Variants in DLG5 observed in about 807,000 individuals in gnomAD.
DLG5 encodes the protein disks large homolog 5.
A neutral mutation model predicts 189.8 loss-of-function variants in DLG5; 48 were observed. That is an observed-to-expected ratio of 0.25 (90% CI 0.20 to 0.32). DLG5 has a LOEUF of 0.32. Among genes scored for constraint, DLG5 ranks in the 10% least tolerant of loss-of-function variants. DLG5 has a pLI of 1.00. For missense variants in DLG5, 2,160 were observed against 2,544.7 expected (o/e 0.85, Z 3.25); for synonymous variants, 1,016 against 1,054.1 (o/e 0.96, Z 0.70).
At chr10:77,798,356 T>C (rs903303928) in intron 27 of DLG5, among the ~76,000 whole-genome samples, 4 of 152,104 alleles carry the variant, frequency 2.6e-5, no homozygotes, top group African/African-American at 9.7e-5. Flanking sequence ...GAGTGAAGGC[T>C]CTGAGGAGGA....
the DLG5 span, among the ~76,000 whole-genome samples, chr10:77,933,980 A>G: frequency 6.7e-6 from 1 of 150,092 alleles, no homozygotes; most frequent in African/African-American, 2.5e-5. Context: ...CCCGGGAAGC[A>G]GAGGTTGCAG....
intron 13 of DLG5, among the ~76,000 whole-genome samples, chr10:77,825,374 C>CCACACACACACACACACACAAA (rs1842574517): frequency 1.5e-5 from 2 of 130,816 alleles, no homozygotes; most frequent in Admixed American, 8.1e-5. Context: ...CCACACACAA[C>CCACACACACACACACACACAAA]CACACACACA....
intron 12 of DLG5, 22 bp from the exon 13 acceptor site, chr10:77,829,007 T>A (rs1403472629): frequency 6.2e-7 from 1 of 1,612,280 alleles, no homozygotes; most frequent in Middle Eastern, 1.7e-4. Flanking sequence ...AGGAGGTCAC[T>A]GGGTAGCCCC....
At chr10:77,828,839 C>T (rs1246221404) in intron 13 of DLG5, 43 bp downstream of exon 13, 2 of 1,598,398 alleles carry the variant, frequency 1.3e-6, no homozygotes, top group Admixed American at 3.4e-5. Flanking sequence ...ATGTAATCTG[C>T]CTATGCACGG....
In DLG5 at chr10:77,821,944, A is replaced by G; in HGVS notation, c.2540T>C (p.Phe847Ser). The G allele has an allele frequency of 1.2e-6, 2 of 1,614,214 alleles. No individual in the cohort carries two copies. Among genetic ancestry groups the G allele is most frequent in the African/African-American group, 2.7e-5 (2 of 75,058 alleles). ...CCTGTCTTCCAGCCTGTCCGTGTAG[A>G]AGATGTCTGTCTGCGTGGAGTTATT... Reference protein sequence around the residue: ...QHNNSTQTDIFYTDRLEDRKE... With the variant: ...QHNNSTQTDISYTDRLEDRKE... Residue 847 changes from phenylalanine to serine, a missense_variant, in exon 15 of 32, where the codon TTC (phenylalanine) becomes TCC (serine). This residue lies in a region of DLG5 where 754 missense variants were observed against 746.5 expected (regional missense o/e 1.01). Coordinates refer to ENST00000372391, the MANE Select transcript of DLG5 (RefSeq NM_004747.4).
In DLG5 at chr10:77,820,026, T is replaced by C. The variant is rs1387697194; in HGVS notation, c.3403-8A>G. ...CGGGACACACTTCTGTTCCTGCAGA[T>C]GCAAGGGCAAGAGTGTCTGCTAGAA... On this transcript the variant is annotated splice_polypyrimidine_tract_variant and splice_region_variant and intron_variant, in intron 15 of 31. Transcript: ENST00000372391. The C allele has an allele frequency of 1.2e-6, 2 of 1,613,004 alleles. No individual in the cohort carries two copies. Among genetic ancestry groups the C allele is most frequent in the South Asian group, 2.2e-5 (2 of 91,086 alleles).
chr10:77,904,547 C>T (rs1846018772), intron 1 of DLG5, among the ~76,000 whole-genome samples: 1 of 152,008 alleles, frequency 6.6e-6, no homozygotes, highest in African/African-American at 2.4e-5. Context: ...GAGGGACTTA[C>T]GGGGAGGTAA....
rs1350727924 is a variant in DLG5 at position 77,835,083 on chromosome 10, GC to G, written c.1622+654del. 1.3e-4 allele frequency among the ~76,000 whole-genome samples: 19 copies of G among 151,922 alleles called. No individual in the cohort carries two copies. In the East Asian group the frequency reaches 3.5e-3, roughly 28 times the overall value. ...CTTCCCTTTCAAGGCCTCTACACCTGCCCCTGGGAATCTCGCCAGCCTGCCC... is the reference window on the plus strand; with the variant it reads ...CTTCCCTTTCAAGGCCTCTACACCTGCCCTGGGAATCTCGCCAGCCTGCCC... On this transcript the variant is annotated intron_variant, in intron 8 of 31. Transcript: ENST00000372391.
Position 77,805,760 on chromosome 10 carries a change from C to T in DLG5, c.5069G>A (p.Arg1690Gln), listed in dbSNP as rs146019787. The part of the protein sequence containing the change: ...LSAAARRSFF[R>Q]RKHKHKRSGS... ...GCTGCGTTTGTGCTTGTGTTTCCTC[C>T]GAAAAAAGGACCGGCGTGCAGCCGC... The change falls in exon 27 of 32, where the codon CGG becomes CAG. Residue 1690 changes from arginine (R) to glutamine (Q), a missense_variant. Coordinates refer to ENST00000372391, the MANE Select transcript of DLG5 (RefSeq NM_004747.4). 3.3e-5 allele frequency: 54 copies of T among 1,613,966 alleles called. No homozygotes were observed. The highest frequency in any genetic ancestry group is 1.6e-4 in the Middle Eastern group (1 of 6,080).
In DLG5 at chr10:77,796,652, G is replaced by T. The variant is rs575452137; in HGVS notation, c.5165-58C>A. The stretch of plus-strand genomic sequence containing the variant: ...CAGCTTGGAGTGGAGGACCTGAGTG[G>T]GGCTGGGGAACCCCGCTCCCTGACC... On this transcript the variant is annotated intron_variant, in intron 27 of 31. Coordinates refer to ENST00000372391, the MANE Select transcript of DLG5 (RefSeq NM_004747.4). The surrounding 1 kb of genome is among the most constrained non-coding windows in gnomAD (Gnocchi z 5.2). 5.6e-6 allele frequency: 9 copies of T among 1,604,298 alleles called. No homozygotes were observed. The highest frequency in any genetic ancestry group is 7.7e-6 in the Non-Finnish European group (9 of 1,173,104).
intron 1 of DLG5, among the ~76,000 whole-genome samples, chr10:77,905,045 C>T (rs1009140038): frequency 6.8e-6 from 1 of 148,064 alleles, no homozygotes; most frequent in African/African-American, 2.6e-5. Context: ...AGGAGAATCA[C>T]TTGAACCCGG....
chr10:77,902,605 A>C (rs934478177), intron 1 of DLG5, among the ~76,000 whole-genome samples: 1 of 152,134 alleles, frequency 6.6e-6, no homozygotes, highest in African/African-American at 2.4e-5. Flanking sequence ...TCATACCTGT[A>C]ATCCCAGCAC....
intron 16 of DLG5, 165 bp downstream of exon 16, chr10:77,819,730 C>T: frequency 1.6e-6 from 2 of 1,241,618 alleles, no homozygotes; most frequent in East Asian, 2.4e-5. Context: ...CATGTCATGG[C>T]TATAAGACAA....
At chr10:77,841,536 G>A (rs1843415360) in intron 7 of DLG5, among the ~76,000 whole-genome samples, 1 of 152,230 alleles carries the variant, frequency 6.6e-6, no homozygotes, top group African/African-American at 2.4e-5. Flanking sequence ...TTGGTATCTT[G>A]CTTCATAATA....
the DLG5 span, among the ~76,000 whole-genome samples, chr10:77,933,938 C>T: frequency 2.9e-4 from 43 of 148,186 alleles, no homozygotes; most frequent in African/African-American, 1.1e-3. Context: ...ATCCCAGCTA[C>T]TTGGGAGGCT....
In DLG5 at chr10:77,819,921, G is replaced by C. The variant is rs139360334; in HGVS notation, c.3500C>G (p.Pro1167Arg). ...CACAGACGGCCTGCTAGGGTATAGC[G>C]GGGGGTTGCTGTGCCGGCTGGAATG... ...PGHSSRHSNPPLYPSRPSVGT... is the reference protein window; with the variant it reads ...PGHSSRHSNPRLYPSRPSVGT... The change falls in exon 16 of 32, where the codon CCG becomes CGG. Residue 1167 changes from proline (P) to arginine (R), a missense_variant. Pro to Arg is a moderately radical substitution (Grantham distance 103). Coordinates refer to ENST00000372391, the MANE Select transcript of DLG5 (RefSeq NM_004747.4). The C allele has an allele frequency of 5.0e-6, 8 of 1,600,694 alleles. No homozygotes were observed. Among genetic ancestry groups the C allele is most frequent in the Non-Finnish European group, 5.1e-6 (6 of 1,173,930 alleles).
chr10:77,890,684 C>T (rs1294064744), intron 1 of DLG5, among the ~76,000 whole-genome samples: 5 of 152,162 alleles, frequency 3.3e-5, no homozygotes, highest in African/African-American at 1.2e-4. Context: ...GGCATAGTGG[C>T]GCATGCCTGT....
rs1276869618 is a variant in DLG5 at position 77,835,930 on chromosome 10, G to A, written c.1438-8C>T. Reference sequence around the variant, plus strand: ...TGTCACCGTGTCTTTGATCTGGTGGGAGCAAGGGGCAGGAAGAGGGAGAGG... The same window carrying A: ...TGTCACCGTGTCTTTGATCTGGTGGAAGCAAGGGGCAGGAAGAGGGAGAGG... On this transcript the variant is annotated splice_polypyrimidine_tract_variant and splice_region_variant and intron_variant, in intron 7 of 31. Transcript: ENST00000372391. 3.1e-6 allele frequency: 5 copies of A among 1,606,764 alleles called. No individual in the cohort carries two copies. Among genetic ancestry groups the A allele is most frequent in the Non-Finnish European group, 4.3e-6 (5 of 1,174,168 alleles).
intron 26 of DLG5, 40 bp downstream of exon 26, chr10:77,806,718 A>ACGGC: frequency 4.5e-6 from 6 of 1,333,650 alleles, no homozygotes; most frequent in Non-Finnish European, 6.4e-6. Flanking sequence ...GCCCTCGGCG[A>ACGGC]CCCCTGCCCC....
Sources: gnomAD v4.1 joint callset for allele counts (sites outside exome capture counted in the v4.1 genomes callset) on GRCh38, gnomAD v4.1.1 for gene constraint, gnomAD v4.1.1 regional missense constraint, Gnocchi (gnomAD v3.1) non-coding constraint, MANE v1.5 for transcripts, NCBI Gene and HGNC (gene_info 2026-07-23, HGNC 2026-07-21) for gene names.